The following C19orf12 variants were observed in gnomAD, a reference collection of about 807,000 sequenced individuals.
The protein encoded by C19orf12 is protein C19orf12.
C19orf12 carries 2 observed loss-of-function variants against 3.8 expected under a neutral mutation model. That is an observed-to-expected ratio of 0.53 (90% CI 0.22 to 1.66). C19orf12 has a LOEUF of 1.66. Among genes scored for constraint, C19orf12 ranks in the 40% most tolerant of loss-of-function variants. The probability of loss-of-function intolerance (pLI) is 0.20; values close to 1 mark genes in which losing one functional copy is unlikely to be tolerated. For synonymous variants in C19orf12, 89 were observed against 84.6 expected (o/e 1.05, Z -0.28); for missense variants, 156 against 188.8 (o/e 0.83, Z 1.02).
chr19:29,699,390 G>A lies in C19orf12; in HGVS notation c.*3322C>T. ...CAAAGCTACTCGGGAGGCTGAGGCA[G>A]GAGAATGGCTTGAACCCAGGAGGCA... On this transcript the variant is annotated 3_prime_UTR_variant, in exon 3 of 3. Transcript: ENST00000323670. 1 of 380,688 alleles carries A rather than the reference G, an allele frequency of 2.6e-6. No homozygotes were observed. Among genetic ancestry groups the A allele is most frequent in the South Asian group, 2.0e-5 (1 of 49,952 alleles). 23.6% of individuals were successfully genotyped at this position (380,688 alleles called of 1,614,324 possible).
At chr19:29,704,867 C>A (rs1007203334) in intron 2 of C19orf12, among the ~76,000 whole-genome samples, 1 of 152,206 alleles carries the variant, frequency 6.6e-6, no homozygotes, top group Non-Finnish European at 1.5e-5. Context: ...CACAGAAGAG[C>A]TGGACAGCTT....
rs567216279 is a variant in C19orf12, at chr19:29,701,991, A to G, written c.*721T>C. On this transcript the variant is annotated 3_prime_UTR_variant, in exon 3 of 3. Coordinates refer to ENST00000323670, the MANE Select transcript of C19orf12 (RefSeq NM_031448.6). ...ACTGAACCCACAATATCTCCGAGAT[A>G]TACCTGTACTTTTTACTAAAAATAT... The G allele has an allele frequency of 1.5e-5, 7 of 453,724 alleles. No homozygotes were observed. The highest frequency in any genetic ancestry group is 9.3e-5 in the South Asian group (6 of 64,414). The allele number at this position is 453,724 out of a possible 1,614,324, so 28.1% of individuals were successfully genotyped here.
intron 1 of C19orf12, among the ~76,000 whole-genome samples, chr19:29,714,677 C>T (rs1345454031): frequency 7.2e-6 from 1 of 139,066 alleles, no homozygotes; most frequent in African/African-American, 2.7e-5. Flanking sequence ...TAGCACCCCA[C>T]CCCCAGCCCC....
At chr19:29,705,592 C>T (rs936502433) in intron 2 of C19orf12, among the ~76,000 whole-genome samples, 7 of 150,772 alleles carry the variant, frequency 4.6e-5, no homozygotes, top group Non-Finnish European at 7.4e-5. Flanking sequence ...CTCACTGCAG[C>T]CTCAAACTCT....
Position 29,701,487 on chromosome 19 carries a change from T to G in C19orf12, c.*1225A>C, listed in dbSNP as rs1183500943. 1 of 454,142 alleles carries G rather than the reference T, an allele frequency of 2.2e-6. No homozygotes were observed. The allele number at this position is 454,142 out of a possible 1,614,324, so 28.1% of individuals were successfully genotyped here. A position where few individuals can be genotyped will look rare whatever the true frequency, so the allele number is the denominator to read the frequency against. On this transcript the variant is annotated 3_prime_UTR_variant, in exon 3 of 3. Coordinates refer to ENST00000323670, the MANE Select transcript of C19orf12 (RefSeq NM_031448.6). ...ATGGCAAGAAAAAAAGGTCTGTACG[T>G]GTTCAGTACCAATGCAATTTCTTTT...
At chr19:29,713,000 G>T (rs149949776) in intron 1 of C19orf12, among the ~76,000 whole-genome samples, 1 of 152,310 alleles carries the variant, frequency 6.6e-6, no homozygotes, top group Non-Finnish European at 1.5e-5. Flanking sequence ...TCCATCCAAG[G>T]TTCAATTTCT....
intron 2 of C19orf12, among the ~76,000 whole-genome samples, chr19:29,706,816 A>G (rs528240460): frequency 6.6e-6 from 1 of 152,322 alleles, no homozygotes; most frequent in Non-Finnish European, 1.5e-5. Context: ...TACAGAAGGG[A>G]AGAACAGGGC....
At chr19:29,715,406 C>G (rs780935305), upstream of C19orf12, 1 of 412,556 alleles carries the variant, frequency 2.4e-6, no homozygotes, top group South Asian at 1.7e-5. Context: ...CCTGGCCCAC[C>G]CCGCCGCTGT....
chr19:29,708,545 C>A, intron 1 of C19orf12, 122 bp from the exon 2 acceptor site: 2 of 1,272,324 alleles, frequency 1.6e-6, no homozygotes, highest in Non-Finnish European at 2.2e-6. Flanking sequence ...TCAGCAGCTC[C>A]AAGCGCCTGT....
rs886119799 is a variant in C19orf12, at chr19:29,700,244, G to A, written c.*2468C>T. 4.4e-6 allele frequency: 2 copies of A among 453,922 alleles called. No homozygotes were observed. The highest frequency in any genetic ancestry group is 4.0e-5 in the African/African-American group (2 of 49,980). 28.1% of individuals were successfully genotyped at this position (453,922 alleles called of 1,614,324 possible). On this transcript the variant is annotated 3_prime_UTR_variant, in exon 3 of 3. Transcript: ENST00000323670. ...GAATGGGGCCCAATCGCCTAACAAA[G>A]GCAACTCAATTTCAGCCCCGATTGT...
Position 29,702,138 on chromosome 19 carries a change from T to C in C19orf12, c.*574A>G. ...GCCGGGGTCAAGTCCACTCGGTATT[T>C]GTGGCTTCACTCAGCAGGCCGCCCG... is the stretch of plus-strand genomic sequence containing the variant. On this transcript the variant is annotated 3_prime_UTR_variant, in exon 3 of 3. Coordinates refer to ENST00000323670, the MANE Select transcript of C19orf12 (RefSeq NM_031448.6). The C allele has an allele frequency of 4.4e-6, 2 of 453,170 alleles. No individual in the cohort carries two copies. The highest frequency in any genetic ancestry group is 4.4e-6 in the Non-Finnish European group (1 of 226,178). 28.1% of individuals were successfully genotyped at this position (453,170 alleles called of 1,614,324 possible).
At position 29,700,204 on chromosome 19, in the gene C19orf12, T is replaced by C. The variant is rs566843784; in HGVS notation, c.*2508A>G. The C allele has an allele frequency of 2.0e-5, 9 of 453,896 alleles. No individual in the cohort carries two copies. Among genetic ancestry groups the C allele is most frequent in the Non-Finnish European group, 4.0e-5 (9 of 226,720 alleles). The allele number at this position is 453,896 out of a possible 1,614,324, so 28.1% of individuals were successfully genotyped here. On this transcript the variant is annotated 3_prime_UTR_variant, in exon 3 of 3. Transcript: ENST00000323670. ...GGGCCTGACACAGACCAGGACCTGA[T>C]GCACGAGTAAGAATGAATGGGGCCC...
rs973022122 is a variant in C19orf12 at position 29,701,412 on chromosome 19, T to C, written c.*1300A>G. The stretch of plus-strand genomic sequence containing the variant: ...TCTCTAGATTTCTTATAATACCAAA[T>C]ACAATATAAATGCTATGTAAATATG... On this transcript the variant is annotated 3_prime_UTR_variant, in exon 3 of 3. Transcript: ENST00000323670. The C allele has an allele frequency of 8.8e-6, 4 of 454,120 alleles. No homozygotes were observed. Among genetic ancestry groups the C allele is most frequent in the Non-Finnish European group, 1.8e-5 (4 of 226,790 alleles). 28.1% of individuals were successfully genotyped at this position (454,120 alleles called of 1,614,324 possible).
chr19:29,709,708 A>G (rs982818309), intron 1 of C19orf12, among the ~76,000 whole-genome samples: 3 of 150,782 alleles, frequency 2.0e-5, no homozygotes, highest in Non-Finnish European at 3.0e-5. Context: ...TTTTATTTTT[A>G]TTTTTAGTAG....
chr19:29,714,983 C>T (rs765227120), intron 1 of C19orf12, 142 bp downstream of exon 1: 74 of 714,388 alleles, frequency 1.0e-4, no homozygotes, highest in Admixed American at 8.6e-4. Context: ...CACCCCGGCA[C>T]CGGGAGGGCC....
chr19:29,703,689 T>C (rs1446892090), intron 2 of C19orf12, among the ~76,000 whole-genome samples: 1 of 152,088 alleles, frequency 6.6e-6, no homozygotes, highest in East Asian at 2.0e-4. Flanking sequence ...ACAAATGCAT[T>C]TTCAAGAGAA....
chr19:29,699,527 C>T lies in C19orf12; in HGVS notation c.*3185G>A, dbSNP rs940833117. The T allele has an allele frequency of 3.1e-5, 14 of 452,682 alleles. No homozygotes were observed. In the Admixed American group the frequency reaches 3.3e-4, roughly 11 times the overall value. The allele number at this position is 452,682 out of a possible 1,614,324, so 28.0% of individuals were successfully genotyped here. ...AAAGAAAAAAATATATGTGTACCTA[C>T]ATAGCATTAAAACAATTGCAGGAAA... is the stretch of plus-strand genomic sequence containing the variant. On this transcript the variant is annotated 3_prime_UTR_variant, in exon 3 of 3. Coordinates refer to ENST00000323670, the MANE Select transcript of C19orf12 (RefSeq NM_031448.6).
intron 1 of C19orf12, 75 bp from the exon 2 acceptor site, chr19:29,708,498 T>C: frequency 1.9e-6 from 3 of 1,582,880 alleles, no homozygotes; most frequent in East Asian, 2.2e-5. Flanking sequence ...CTCTAGTTCC[T>C]AGAGTTTTAA....
intron 2 of C19orf12, among the ~76,000 whole-genome samples, chr19:29,704,682 C>T (rs28526372): frequency 0.077 from 11,734 of 152,156 alleles, 734 homozygotes; most frequent in East Asian, 0.18. Context: ...GGGAAGGGGT[C>T]CAAAGTCAAG....
Sources: allele counts gnomAD v4.1 joint callset (sites outside exome capture counted in the v4.1 genomes callset), GRCh38; gene constraint gnomAD v4.1.1; transcripts MANE v1.5; gene names NCBI Gene and HGNC (gene_info 2026-07-23, HGNC 2026-07-21).